Variants in DRG2 observed in about 807,000 individuals in gnomAD.
DRG2 encodes the protein developmentally-regulated GTP-binding protein 2.
In DRG2, 36 loss-of-function variants were observed where a neutral mutation model predicts 53.4. The ratio of observed to expected loss-of-function variants is 0.67; its 90% CI spans 0.52 to 0.89. DRG2 has a LOEUF of 0.89. Ranked by LOEUF, DRG2 falls within the 40% of genes least tolerant of loss-of-function variation. DRG2 has a pLI of 0.00. For synonymous variants in DRG2, 167 were observed against 192.1 expected (o/e 0.87, Z 1.08); for missense variants, 342 against 481.2 (o/e 0.71, Z 2.71).
rs1467781588 is a variant in DRG2 at position 18,098,295 on chromosome 17, C to T, written c.251C>T (p.Ser84Phe). Residue 84 changes from serine to phenylalanine, a missense_variant, in exon 3 of 13, where the codon TCC (serine) becomes TTC (phenylalanine). Physicochemically the swap from Ser to Phe is radical, Grantham distance 155 (BLOSUM62 -2). Transcript: ENST00000225729. This position sits in a 1 kb window ranked among gnomAD's most constrained non-coding sequence, Gnocchi z 4.1. The stretch of plus-strand genomic sequence containing the variant: ...TCCACATTCTTGAGTCTGATGACCT[C>T]CACGGCCAGCGAGGCAGCGTCCTAT... ...GKSTFLSLMT[S>F]TASEAASYEF... 6.2e-7 allele frequency: 1 copy of T among 1,614,056 alleles called. No homozygotes were observed. Among genetic ancestry groups the T allele is most frequent in the African/African-American group, 1.3e-5 (1 of 75,058 alleles).
chr17:18,088,104 C>T lies in DRG2; in HGVS notation c.64+17C>T. The T allele has an allele frequency of 1.3e-6, 2 of 1,537,672 alleles. No homozygotes were observed. The highest frequency in any genetic ancestry group is 1.8e-6 in the Non-Finnish European group (2 of 1,141,338). ...AGAACAAGGGTGAGGGCCGGCCGGG[C>T]GGGGCCTTCCTTTCTGCCTGCCTCA... On this transcript the variant is annotated intron_variant, in intron 1 of 12. Transcript: ENST00000225729.
At chr17:18,090,862 G>A (rs914058898) in intron 1 of DRG2, among the ~76,000 whole-genome samples, 7 of 150,870 alleles carry the variant, frequency 4.6e-5, no homozygotes, top group Non-Finnish European at 1.0e-4. Flanking sequence ...GTAGAGGCAC[G>A]GTCTCACTAT....
At position 18,103,533 on chromosome 17, in the gene DRG2, A is replaced by G. The variant is rs1035040797; in HGVS notation, c.807-268A>G. Among the ~76,000 whole-genome samples, 2 of 152,098 alleles carry G rather than the reference A, an allele frequency of 1.3e-5. No individual in the cohort carries two copies. The highest frequency in any genetic ancestry group is 2.9e-5 in the Non-Finnish European group (2 of 68,010). On this transcript the variant is annotated intron_variant, in intron 9 of 12. Transcript: ENST00000225729. This position sits in a 1 kb window ranked among gnomAD's most constrained non-coding sequence, Gnocchi z 4.4. ...ATCTCGCCATGGCAGCCCTTCACTAATCACACATGCTGCAACCCTCCACAG... is the reference window on the plus strand; with the variant it reads ...ATCTCGCCATGGCAGCCCTTCACTAGTCACACATGCTGCAACCCTCCACAG...
At chr17:18,088,140 C>T in intron 1 of DRG2, 53 bp downstream of exon 1, 1 of 1,519,872 alleles carries the variant, frequency 6.6e-7, no homozygotes, top group African/African-American at 1.4e-5. Context: ...GTTTTCCTGT[C>T]TGTAAAATGG....
Position 18,093,910 on chromosome 17 carries a change from C to T in DRG2, c.162C>T (p.Gly54=), listed in dbSNP as rs773957009. 9.9e-6 allele frequency: 16 copies of T among 1,614,196 alleles called. No individual in the cohort carries two copies. Among genetic ancestry groups the T allele is most frequent in the Non-Finnish European group, 1.4e-5 (16 of 1,180,046 alleles). ...PSKSASSKGE[G]FDVMKSGDAR... is the part of the protein sequence containing the mutation. The stretch of plus-strand genomic sequence containing the variant: ...AATCGGCCTCGTCCAAAGGAGAGGG[C>T]TTTGATGTCATGAAGTCGGGTGATG... The change falls in exon 2 of 13, where the codon GGC becomes GGT. Residue 54 remains glycine (G), a synonymous_variant. Transcript: ENST00000225729.
At chr17:18,093,677 AGAT>A in intron 1 of DRG2, 133 bp from the exon 2 acceptor site, 1 of 999,468 alleles carries the variant, frequency 1.0e-6, no homozygotes, top group African/African-American at 1.6e-5. Flanking sequence ...TTAAGCAGAG[AGAT>A]TTTTTTTTTT....
Position 18,099,620 on chromosome 17 carries a change from C to T in DRG2, c.377-13C>T, listed in dbSNP as rs187538810. On this transcript the variant is annotated splice_polypyrimidine_tract_variant and intron_variant, in intron 4 of 12. Transcript: ENST00000225729. This position sits in a 1 kb window ranked among gnomAD's most constrained non-coding sequence, Gnocchi z 4.4. ...GGTCCACATATGTAACTGCATCCCTCACACCCATCCAGGAAAAGGCCGTGG... is the reference window on the plus strand; with the variant it reads ...GGTCCACATATGTAACTGCATCCCTTACACCCATCCAGGAAAAGGCCGTGG... 4.4e-6 allele frequency: 7 copies of T among 1,597,240 alleles called. No individual in the cohort carries two copies. Among genetic ancestry groups the T allele is most frequent in the Admixed American group, 1.8e-5 (1 of 56,898 alleles).
Position 18,098,477 on chromosome 17 carries a change from G to T in DRG2, c.315+118G>T, listed in dbSNP as rs2045471687. 1.1e-5 allele frequency: 10 copies of T among 910,318 alleles called. No homozygotes were observed. The highest frequency in any genetic ancestry group is 1.8e-5 in the Non-Finnish European group (10 of 564,670). 56.4% of individuals were successfully genotyped at this position (910,318 alleles called of 1,614,324 possible). ...TGTCCCCATGTCAGGACAGGCTCTG[G>T]ACTGAGCTGCTTTGCCCTCCAGCAC... On this transcript the variant is annotated intron_variant, in intron 3 of 12. Coordinates refer to ENST00000225729, the MANE Select transcript of DRG2 (RefSeq NM_001388.5). This position sits in a 1 kb window ranked among gnomAD's most constrained non-coding sequence, Gnocchi z 4.1.
In DRG2 at chr17:18,087,959, G is replaced by A. The variant is rs546476425; in HGVS notation, c.-65G>A. ...TCCGGGCGCACGCTACTCTGTCGCC[G>A]CCGTCAGACCGGAATTGCCGGTGCC... On this transcript the variant is annotated 5_prime_UTR_variant, in exon 1 of 13. Transcript: ENST00000225729. 1.3e-6 allele frequency: 2 copies of A among 1,524,036 alleles called. No homozygotes were observed. The highest frequency in any genetic ancestry group is 8.8e-7 in the Non-Finnish European group (1 of 1,131,930). The allele number at this position is 1,524,036 out of a possible 1,614,324, so 94.4% of individuals were successfully genotyped here.
intron 1 of DRG2, among the ~76,000 whole-genome samples, chr17:18,093,313 G>A (rs1449258959): frequency 7.0e-6 from 1 of 142,412 alleles, no homozygotes; most frequent in East Asian, 2.3e-4. Flanking sequence ...TCAACAAAGA[G>A]GCGGGATTTT....
At chr17:18,102,072 A>G in intron 9 of DRG2, 75 bp downstream of exon 9, 1 of 1,485,810 alleles carries the variant, frequency 6.7e-7, no homozygotes, top group Non-Finnish European at 9.2e-7. Flanking sequence ...CCTCCCAGCC[A>G]CTTTGGCTGT....
Position 18,099,279 on chromosome 17 carries a change from C to T in DRG2, c.376+202C>T. 1.6e-6 allele frequency: 1 copy of T among 640,468 alleles called. No homozygotes were observed. The highest frequency in any genetic ancestry group is 1.9e-5 in the South Asian group (1 of 51,396). 39.7% of individuals were successfully genotyped at this position (640,468 alleles called of 1,614,324 possible). On this transcript the variant is annotated intron_variant, in intron 4 of 12. Coordinates refer to ENST00000225729, the MANE Select transcript of DRG2 (RefSeq NM_001388.5). The surrounding 1 kb of genome is among the most constrained non-coding windows in gnomAD (Gnocchi z 4.4). ...GTGATTGGGTATCTCTAAGCCAAGC[C>T]TCAGTTTCCTCAGCTGTAGAATGGG...
chr17:18,106,650 G>A (rs961030718), intron 12 of DRG2, among the ~76,000 whole-genome samples, 164 bp downstream of exon 12: 40 of 151,716 alleles, frequency 2.6e-4, no homozygotes, highest in Admixed American at 3.3e-4. Flanking sequence ...GCCAACCCAG[G>A]GTAGACATGG....
chr17:18,090,187 CTTTTTTT>C (rs764657114), intron 1 of DRG2, among the ~76,000 whole-genome samples: 38 of 70,276 alleles, frequency 5.4e-4, no homozygotes, highest in African/African-American at 2.3e-3. Flanking sequence ...ACACTGAATC[CTTTTTTT>C]TTTTTTTTTT....
At position 18,093,691 on chromosome 17, in the gene DRG2, T is replaced by A. The variant is rs1597718102; in HGVS notation, c.65-122T>A. On this transcript the variant is annotated intron_variant, in intron 1 of 12. Transcript: ENST00000225729. The stretch of plus-strand genomic sequence containing the variant: ...TTTAAGCAGAGAGATTTTTTTTTTT[T>A]CTCCTGATCTCCTTGACAGCAGTTG... The A allele has an allele frequency of 6.0e-6, 7 of 1,157,080 alleles. No individual in the cohort carries two copies. In the East Asian group the frequency reaches 1.7e-4, roughly 29 times the overall value. The allele number at this position is 1,157,080 out of a possible 1,614,324, so 71.7% of individuals were successfully genotyped here. A position where few individuals can be genotyped will look rare whatever the true frequency, so the allele number is the denominator to read the frequency against.
Position 18,099,409 on chromosome 17 carries a change from A to C in DRG2, c.377-224A>C, listed in dbSNP as rs2045487147. 1.6e-6 allele frequency: 1 copy of C among 629,904 alleles called. No individual in the cohort carries two copies. The highest frequency in any genetic ancestry group is 1.8e-5 in the African/African-American group (1 of 55,030). The allele number at this position is 629,904 out of a possible 1,614,324, so 39.0% of individuals were successfully genotyped here. On this transcript the variant is annotated intron_variant, in intron 4 of 12. Coordinates refer to ENST00000225729, the MANE Select transcript of DRG2 (RefSeq NM_001388.5). The surrounding 1 kb of genome is among the most constrained non-coding windows in gnomAD (Gnocchi z 4.4). Reference sequence around the variant, plus strand: ...CACATGGTAGGGGTGGGCGTAGGACAGCCGTTATTATCCTGTTACTCCTTT... The same window carrying C: ...CACATGGTAGGGGTGGGCGTAGGACCGCCGTTATTATCCTGTTACTCCTTT...
At chr17:18,091,945 A>C (rs2045341915) in intron 1 of DRG2, 1 of 152,238 alleles carries the variant, frequency 6.6e-6, no homozygotes, top group Non-Finnish European at 1.5e-5. Flanking sequence ...CAAGAAGACT[A>C]ACTTTTCCAA....
At chr17:18,093,573 C>A (rs2045373185) in intron 1 of DRG2, among the ~76,000 whole-genome samples, 1 of 152,236 alleles carries the variant, frequency 6.6e-6, no homozygotes, top group African/African-American at 2.4e-5. Context: ...CCGCCTCGGC[C>A]TCCCAAAGTG....
intron 10 of DRG2, among the ~76,000 whole-genome samples, chr17:18,104,362 C>CT (rs1474395434): frequency 6.6e-6 from 1 of 152,232 alleles, no homozygotes; most frequent in African/African-American, 2.4e-5. Flanking sequence ...GTCCTGGTCT[C>CT]TGTCAGTGCT....
Sources: allele counts gnomAD v4.1 joint callset (sites outside exome capture counted in the v4.1 genomes callset), GRCh38; gene constraint gnomAD v4.1.1; non-coding constraint Gnocchi (gnomAD v3.1); transcripts MANE v1.5; gene names NCBI Gene and HGNC (gene_info 2026-07-23, HGNC 2026-07-21).